TMEM132B: variants seen among roughly 807,000 people sequenced by gnomAD.
The protein encoded by TMEM132B is transmembrane protein 132B.
In TMEM132B, 18 loss-of-function variants were observed where a neutral mutation model predicts 90.8. The ratio of observed to expected loss-of-function variants is 0.20; its 90% confidence interval spans 0.14 to 0.29. TMEM132B has a LOEUF of 0.29. Among genes scored for constraint, TMEM132B ranks in the 10% least tolerant of loss-of-function variants. The pLI is 1.00. For synonymous variants in TMEM132B, 504 were observed against 523.3 expected (o/e 0.96, Z 0.50); for missense variants, 1,096 against 1,326.8 (o/e 0.83, Z 2.70).
chr12:125,382,222 AG>A (rs1268571578), intron 2 of TMEM132B, among the ~76,000 whole-genome samples: 1 of 152,232 alleles, frequency 6.6e-6, no homozygotes, highest in African/African-American at 2.4e-5. Flanking sequence ...CAGTATCTCC[AG>A]GCTCCTAAAG....
chr12:125,275,958 C>G (rs915011984), intron 1 of TMEM132B, among the ~76,000 whole-genome samples: 1 of 152,190 alleles, frequency 6.6e-6, no homozygotes, highest in African/African-American at 2.4e-5. Context: ...AAGCAATCCT[C>G]CTGCCTCAGC....
At chr12:125,292,914 T>C (rs965309766) in intron 1 of TMEM132B, among the ~76,000 whole-genome samples, 11 of 152,236 alleles carry the variant, frequency 7.2e-5, no homozygotes, top group African/African-American at 2.7e-4. Flanking sequence ...CCAAACCATG[T>C]GGGCTCAGAG....
intron 4 of TMEM132B, among the ~76,000 whole-genome samples, chr12:125,561,115 AC>A (rs1396343152): frequency 2.6e-5 from 4 of 152,184 alleles, no homozygotes; most frequent in African/African-American, 9.7e-5. Flanking sequence ...AAGGCTTGAA[AC>A]CAACCCAAAT....
intron 4 of TMEM132B, among the ~76,000 whole-genome samples, chr12:125,535,109 G>C (rs1477026578): frequency 6.6e-6 from 1 of 152,156 alleles, no homozygotes; most frequent in Non-Finnish European, 1.5e-5. Context: ...TTTACACCAA[G>C]TTTTATCACA....
rs376636804 is a variant in TMEM132B at position 125,306,012 on chromosome 12, C to T, written c.68-43440C>T. On this transcript the variant is annotated intron_variant, in intron 1 of 8. Coordinates refer to ENST00000682704, the MANE Select transcript of TMEM132B (RefSeq NM_001366854.1). ...TACAGCTGTTGTCTAAGTGGAGATT[C>T]ATTTCTTAGAGTCTTGTGCCAGGAA... Among the ~76,000 whole-genome samples the T allele has an allele frequency of 2.0e-4, 31 of 152,320 alleles. 1 individual carries two copies. The East Asian group carries it at 3.1e-3, about 15-fold the overall frequency.
At chr12:125,424,444 C>A (rs1165449862) in intron 3 of TMEM132B, among the ~76,000 whole-genome samples, 3 of 152,118 alleles carry the variant, frequency 2.0e-5, no homozygotes, top group Non-Finnish European at 4.4e-5. Flanking sequence ...TAATTTGCAT[C>A]GACGTAATTT....
chr12:125,631,543 T>C (rs1421372302), intron 5 of TMEM132B, among the ~76,000 whole-genome samples: 1 of 152,178 alleles, frequency 6.6e-6, no homozygotes, highest in African/African-American at 2.4e-5. Context: ...TGTTTCTTTG[T>C]TGATTTTCTG....
At chr12:125,389,957 CA>C (rs1407556619) in intron 2 of TMEM132B, among the ~76,000 whole-genome samples, 2 of 152,168 alleles carry the variant, frequency 1.3e-5, no homozygotes, top group African/African-American at 4.8e-5. Context: ...TGAATTTTTA[CA>C]AAATGAACAA....
intron 5 of TMEM132B, among the ~76,000 whole-genome samples, chr12:125,638,135 G>A (rs1282646544): frequency 1.3e-5 from 2 of 152,298 alleles, no homozygotes; most frequent in Admixed American, 6.5e-5. Flanking sequence ...ACACAGTGCT[G>A]AGGAGGCCTC....
chr12:125,582,140 A>G (rs1593004601), intron 4 of TMEM132B, among the ~76,000 whole-genome samples: 1 of 152,206 alleles, frequency 6.6e-6, no homozygotes, highest in Non-Finnish European at 1.5e-5. Flanking sequence ...TCAACAAAAA[A>G]TAAATCATCT....
chr12:125,565,785 C>T (rs971444335), intron 4 of TMEM132B, among the ~76,000 whole-genome samples: 1 of 152,120 alleles, frequency 6.6e-6, no homozygotes, highest in Non-Finnish European at 1.5e-5. Flanking sequence ...CTTCCTGGAG[C>T]CAGGGGTTTG....
chr12:125,530,435 C>T (rs1055062250), intron 4 of TMEM132B, among the ~76,000 whole-genome samples: 12 of 152,238 alleles, frequency 7.9e-5, no homozygotes, highest in Middle Eastern at 3.4e-3. Context: ...TCTGCTGCAG[C>T]GCTATGTTAG....
In TMEM132B at chr12:125,574,103, G is replaced by A. The variant is rs1884875279; in HGVS notation, c.1294-9748G>A. The stretch of plus-strand genomic sequence containing the variant: ...CTTTGATGAATATCCTTCATGAACT[G>A]ATGACCTTGTTTGGGCATCTCTCTC... On this transcript the variant is annotated intron_variant, in intron 4 of 8. Transcript: ENST00000682704. Among the ~76,000 whole-genome samples the A allele has an allele frequency of 2.0e-5, 3 of 151,360 alleles. No homozygotes were observed. The South Asian group carries it at 6.3e-4, about 32-fold the overall frequency.
chr12:125,372,380 T>G (rs1878322596), intron 2 of TMEM132B, among the ~76,000 whole-genome samples: 1 of 152,216 alleles, frequency 6.6e-6, no homozygotes, highest in Non-Finnish European at 1.5e-5. Context: ...CCCCAAGTAG[T>G]GATTTTTCTT....
rs115095145 is a variant in TMEM132B, at chr12:125,597,000, C to T, written c.1437+13006C>T. ...AGGTGACAAAATAACACTGAAGACC[C>T]TGCAGCAGTTGCCAGCTCTGATACT... On this transcript the variant is annotated intron_variant, in intron 5 of 8. Transcript: ENST00000682704. 8.1e-3 allele frequency among the ~76,000 whole-genome samples: 1,234 copies of T among 152,252 alleles called. 23 individuals are homozygous for T. The highest frequency in any genetic ancestry group is 0.028 in the African/African-American group (1,175 of 41,546).
intron 4 of TMEM132B, among the ~76,000 whole-genome samples, chr12:125,542,524 C>A (rs1200736086): frequency 6.6e-6 from 1 of 152,228 alleles, no homozygotes; most frequent in Non-Finnish European, 1.5e-5. Context: ...CAGTCCCAGG[C>A]ACCCACCATG....
intron 1 of TMEM132B, among the ~76,000 whole-genome samples, chr12:125,311,633 T>C (rs542949398): frequency 2.0e-5 from 3 of 152,328 alleles, no homozygotes; most frequent in Admixed American, 1.3e-4. Flanking sequence ...CTCATGCTTA[T>C]CTCTTTCCAG....
intron 1 of TMEM132B, among the ~76,000 whole-genome samples, chr12:125,243,812 G>C (rs998423428): frequency 2.0e-5 from 3 of 152,090 alleles, no homozygotes; most frequent in African/African-American, 4.8e-5. Context: ...GCAGTATTTG[G>C]TTTTCTGTTT....
intron 1 of TMEM132B, among the ~76,000 whole-genome samples, chr12:125,340,988 T>C (rs1405417173): frequency 6.6e-6 from 1 of 152,236 alleles, no homozygotes; most frequent in African/African-American, 2.4e-5. Context: ...AGGAAAAGCT[T>C]TGCTTCTTGC....
Sources: allele counts gnomAD v4.1 joint callset (sites outside exome capture counted in the v4.1 genomes callset), GRCh38; gene constraint gnomAD v4.1.1; transcripts MANE v1.5; gene names NCBI Gene and HGNC (gene_info 2026-07-23, HGNC 2026-07-21).